Variants in TLCD4 observed in about 807,000 individuals in gnomAD.
TLCD4 encodes the protein TLC domain-containing protein 4.
A neutral mutation model predicts 24.2 loss-of-function variants in TLCD4; 7 were observed. The ratio of observed to expected loss-of-function variants is 0.29; its 90% CI spans 0.16 to 0.54. TLCD4 has a LOEUF of 0.54. TLCD4 is among the 20% of genes least tolerant of loss of function. TLCD4 has a pLI of 0.95. For missense variants in TLCD4, 259 were observed against 313.9 expected (o/e 0.82, Z 1.32); for synonymous variants, 103 against 106.4 (o/e 0.97, Z 0.20).
chr1:95,100,911 T>A, the TLCD4 span, among the ~76,000 whole-genome samples: 1 of 35,414 alleles, frequency 2.8e-5, no homozygotes. Flanking sequence ...GGTCTCCAAC[T>A]TTTTTTTTTT....
chr1:95,095,277 T>C, the TLCD4 span, among the ~76,000 whole-genome samples: 13 of 152,242 alleles, frequency 8.5e-5, no homozygotes, highest in Non-Finnish European at 1.9e-4. Context: ...CTAGAGAAAC[T>C]ACAAATTAGT....
chr1:95,157,060 T>C (rs1677653980), intron 5 of TLCD4, among the ~76,000 whole-genome samples: 1 of 152,100 alleles, frequency 6.6e-6, no homozygotes, highest in South Asian at 2.1e-4. Context: ...CTAAAAGCAA[T>C]ATTGTAAATA....
rs1190498384 is a variant in TLCD4 at position 95,160,796 on chromosome 1, G to C, written c.399+9377G>C. On this transcript the variant is annotated intron_variant, in intron 5 of 6. Coordinates refer to ENST00000370203, the MANE Select transcript of TLCD4 (RefSeq NM_152487.3). ...CGTCTTTGGTTCTGTTTATATGATG[G>C]ATTATGTTTATTGGTTTACGTATGT... Among the ~76,000 whole-genome samples the C allele has an allele frequency of 2.0e-5, 3 of 152,134 alleles. No homozygotes were observed. The East Asian group carries it at 5.8e-4, about 29-fold the overall frequency.
the TLCD4 span, among the ~76,000 whole-genome samples, chr1:95,102,104 C>T: frequency 1.3e-5 from 2 of 151,952 alleles, no homozygotes; most frequent in South Asian, 2.1e-4. Flanking sequence ...CATGAAGTTG[C>T]GGAGAGAGAG....
At chr1:95,183,871 C>CA (rs1043676980) in intron 6 of TLCD4, among the ~76,000 whole-genome samples, 2 of 150,934 alleles carry the variant, frequency 1.3e-5, no homozygotes, top group Admixed American at 6.6e-5. Context: ...ACAAAAAAAA[C>CA]AAAAAAACAA....
the TLCD4 span, among the ~76,000 whole-genome samples, chr1:95,105,894 TAAA>T: frequency 8.7e-6 from 1 of 115,358 alleles, no homozygotes; most frequent in Non-Finnish European, 1.7e-5. Context: ...GACTCCGTCT[TAAA>T]AAAAAAAAAA....
intron 5 of TLCD4, among the ~76,000 whole-genome samples, chr1:95,152,372 C>T (rs532382341): frequency 5.1e-4 from 78 of 152,000 alleles, no homozygotes; most frequent in Admixed American, 1.1e-3. Flanking sequence ...GGTAAATGAT[C>T]ATGAAATTCT....
rs1483587664 is a variant in TLCD4 at position 95,195,336 on chromosome 1, G to T, written c.*3468G>T. 2 of 152,134 alleles carry T rather than the reference G, an allele frequency of 1.3e-5. No homozygotes were observed. Among genetic ancestry groups the T allele is most frequent in the African/African-American group, 4.8e-5 (2 of 41,432 alleles). 9.4% of individuals were successfully genotyped at this position (152,134 alleles called of 1,614,324 possible). On this transcript the variant is annotated 3_prime_UTR_variant, in exon 7 of 7. Transcript: ENST00000370203. ...TTGTTACAGTGTACATGTTTCCTCTGTGTCGTTTTTAAGGGAAATAAACAT... is the reference window on the plus strand; with the variant it reads ...TTGTTACAGTGTACATGTTTCCTCTTTGTCGTTTTTAAGGGAAATAAACAT...
upstream of TLCD4, among the ~76,000 whole-genome samples, chr1:95,113,215 G>T (rs938281336): frequency 6.6e-6 from 1 of 151,698 alleles, no homozygotes; most frequent in Admixed American, 6.6e-5. Context: ...GCTACTTTTC[G>T]TATTTTTAGT....
intron 1 of TLCD4, among the ~76,000 whole-genome samples, chr1:95,142,839 G>C (rs12742928): frequency 0.073 from 11,067 of 152,074 alleles, 449 homozygotes; most frequent in Non-Finnish European, 0.089. Flanking sequence ...AATCCCAGCC[G>C]CTCGCGATGA....
At chr1:95,129,161 T>C (rs546087213) in intron 1 of TLCD4, among the ~76,000 whole-genome samples, 1 of 152,350 alleles carries the variant, frequency 6.6e-6, no homozygotes, top group Admixed American at 6.5e-5. Context: ...TTTTGTTCTT[T>C]GTTATAATCA....
At chr1:95,104,265 T>G in the TLCD4 span, among the ~76,000 whole-genome samples, 1 of 152,192 alleles carries the variant, frequency 6.6e-6, no homozygotes, top group East Asian at 1.9e-4. Flanking sequence ...AGCACCCACC[T>G]TGCAGGGTGC....
At chr1:95,149,048 CT>C (rs1297801806) in intron 3 of TLCD4, among the ~76,000 whole-genome samples, 1 of 152,120 alleles carries the variant, frequency 6.6e-6, no homozygotes, top group Non-Finnish European at 1.5e-5. Flanking sequence ...AACATTTTTA[CT>C]GTGTTAATGA....
At chr1:95,104,639 C>T in the TLCD4 span, among the ~76,000 whole-genome samples, 4 of 77,390 alleles carry the variant, frequency 5.2e-5, no homozygotes, top group African/African-American at 1.5e-4. Flanking sequence ...GCACTCCAGC[C>T]TGGGGGACAG....
intron 6 of TLCD4, among the ~76,000 whole-genome samples, chr1:95,176,984 A>G (rs1352911588): frequency 6.6e-6 from 1 of 152,130 alleles, no homozygotes; most frequent in Non-Finnish European, 1.5e-5. Flanking sequence ...CTTCTAACTG[A>G]CTTCCTAATT....
chr1:95,163,686 G>T (rs2100970783), intron 5 of TLCD4: 2 of 152,254 alleles, frequency 1.3e-5, no homozygotes, highest in South Asian at 4.1e-4. Flanking sequence ...TGGGGTTTTG[G>T]TGTGGATGTC....
chr1:95,109,953 A>G, the TLCD4 span, among the ~76,000 whole-genome samples: 1 of 140,514 alleles, frequency 7.1e-6, no homozygotes, highest in Non-Finnish European at 1.5e-5. Flanking sequence ...ATATATATAT[A>G]TATATACACA....
chr1:95,190,096 C>CTTTTTTTTTTTTT (rs71097254), intron 6 of TLCD4, among the ~76,000 whole-genome samples: 2 of 135,144 alleles, frequency 1.5e-5, no homozygotes, highest in South Asian at 2.3e-4. Context: ...TTTGCACTTT[C>CTTTTTTTTTTTTT]TTTTTTTTTT....
At chr1:95,124,123 A>T (rs1269364996) in intron 1 of TLCD4, among the ~76,000 whole-genome samples, 1 of 152,140 alleles carries the variant, frequency 6.6e-6, no homozygotes, top group African/African-American at 2.4e-5. Context: ...AGTTTTATTT[A>T]TATTCCCCTT....
Sources: allele counts gnomAD v4.1 joint callset (sites outside exome capture counted in the v4.1 genomes callset), GRCh38; gene constraint gnomAD v4.1.1; transcripts MANE v1.5; gene names NCBI Gene and HGNC (gene_info 2026-07-23, HGNC 2026-07-21).